Variants in MON2 observed in about 807,000 individuals in gnomAD.
MON2 encodes MON2 regulator of endosome-to-Golgi trafficking, also known as protein MON2 homolog.
In MON2, 84 loss-of-function variants were observed where a neutral mutation model predicts 208.6. The observed-to-expected ratio is 0.40, with a 90% confidence interval of 0.34 to 0.48. The LOEUF (loss-of-function observed/expected upper bound fraction) is 0.48. Among genes scored for constraint, MON2 ranks in the 20% least tolerant of loss-of-function variants. MON2 has a pLI of 0.59. For missense variants in MON2, 1,611 were observed against 2,015.4 expected (o/e 0.80, Z 3.84); for synonymous variants, 660 against 694.0 (o/e 0.95, Z 0.77).
intron 34 of MON2, 32 bp downstream of exon 34, chr12:62,588,188 G>A (rs762559493): frequency 2.1e-5 from 29 of 1,404,504 alleles, no homozygotes; most frequent in South Asian, 8.5e-5. Context: ...TTCTAAATTC[G>A]TAACATTTAT....
At position 62,553,024 on chromosome 12, in the gene MON2, C is replaced by T; in HGVS notation, c.3060C>T (p.Cys1020=). 6.2e-7 allele frequency: 1 copy of T among 1,614,086 alleles called. No homozygotes were observed. Residue 1020 remains cysteine, a synonymous_variant, in exon 24 of 35, where the codon TGC becomes TGT. Transcript: ENST00000393630. ...TCCACCCTGCACCGCCATTTGATTG[C>T]TTGTGGTTATGTCTTTATGCAAAAT... is the stretch of plus-strand genomic sequence containing the variant. The part of the protein sequence containing the change: ...RPFHPAPPFD[C]LWLCLYAKLG...
At chr12:62,549,040 T>C (rs2073625886) in intron 22 of MON2, among the ~76,000 whole-genome samples, 1 of 152,162 alleles carries the variant, frequency 6.6e-6, no homozygotes, top group South Asian at 2.1e-4. Context: ...TGTAGCAAAC[T>C]TGCCATTCTC....
Position 62,566,038 on chromosome 12 carries a change from T to C in MON2, c.4194+7T>C. ...GATCCAACTATTTGCACCGGTGAGTTAAATTTCCTAAAATTGTCCTAACCT... is the reference window on the plus strand; with the variant it reads ...GATCCAACTATTTGCACCGGTGAGTCAAATTTCCTAAAATTGTCCTAACCT... On this transcript the variant is annotated splice_region_variant and intron_variant, in intron 28 of 34. Coordinates refer to ENST00000393630, the MANE Select transcript of MON2 (RefSeq NM_015026.3). 6.2e-7 allele frequency: 1 copy of C among 1,609,830 alleles called. No individual in the cohort carries two copies. Among genetic ancestry groups the C allele is most frequent in the Non-Finnish European group, 8.5e-7 (1 of 1,177,166 alleles).
rs1029410067 is a variant in MON2 at position 62,597,781 on chromosome 12, G to C, written c.*5032G>C. The C allele has an allele frequency of 1.3e-5, 2 of 152,144 alleles. No individual in the cohort carries two copies. Among genetic ancestry groups the C allele is most frequent in the Non-Finnish European group, 1.5e-5 (1 of 68,038 alleles). 9.4% of individuals were successfully genotyped at this position (152,144 alleles called of 1,614,324 possible). ...TTTAAATGAGGGTTTTGGCTGGCGT[G>C]GTGGCCCACACCTGTAATCCCAGCA... On this transcript the variant is annotated 3_prime_UTR_variant, in exon 35 of 35. Transcript: ENST00000393630.
chr12:62,510,284 C>T (rs1189414869), intron 8 of MON2, among the ~76,000 whole-genome samples: 2 of 151,968 alleles, frequency 1.3e-5, no homozygotes, highest in African/African-American at 4.8e-5. Context: ...CTTCCAAGCT[C>T]ATTTTATGAG....
At chr12:62,578,536 G>T in intron 31 of MON2, 31 bp downstream of exon 31, 2 of 1,365,028 alleles carry the variant, frequency 1.5e-6, no homozygotes, top group South Asian at 2.7e-5. Context: ...GTTTTCCTGT[G>T]ACCATTTTTG....
chr12:62,539,022 G>T (rs1453120527), intron 19 of MON2, among the ~76,000 whole-genome samples: 1 of 151,888 alleles, frequency 6.6e-6, no homozygotes, highest in Non-Finnish European at 1.5e-5. Flanking sequence ...TAACATTCAA[G>T]AACATTTCTT....
At position 62,525,997 on chromosome 12, in the gene MON2, T is replaced by C; in HGVS notation, c.1295T>C (p.Met432Thr). 1.2e-6 allele frequency: 2 copies of C among 1,613,828 alleles called. No homozygotes were observed. The highest frequency in any genetic ancestry group is 1.7e-6 in the Non-Finnish European group (2 of 1,179,814). Residue 432 changes from methionine to threonine, a missense_variant, in exon 11 of 35, where the codon ATG becomes ACG. By Grantham distance (81) the Met-to-Thr change is moderately conservative. Coordinates refer to ENST00000393630, the MANE Select transcript of MON2 (RefSeq NM_015026.3). ...GSVSAPANSG[M>T]VGIGGGVTLL... ...GTCTCAGCACCAGCTAACTCAGGAA[T>C]GGTGGGGATTGGTGGAGGTGTTACT... is the stretch of plus-strand genomic sequence containing the variant.
intron 22 of MON2, among the ~76,000 whole-genome samples, chr12:62,549,288 A>G (rs575166296): frequency 7.9e-5 from 12 of 152,188 alleles, no homozygotes; most frequent in Admixed American, 2.6e-4. Flanking sequence ...TTTACTTCAA[A>G]TTATTGTAAG....
chr12:62,571,411 G>C lies in MON2; in HGVS notation c.4343G>C (p.Ser1448Thr). 1 of 1,608,244 alleles carries C rather than the reference G, an allele frequency of 6.2e-7. No homozygotes were observed. The highest frequency in any genetic ancestry group is 8.5e-7 in the Non-Finnish European group (1 of 1,176,214). The stretch of plus-strand genomic sequence containing the variant: ...TTTCAGACTCTTAGGGTTCCTCTCA[G>C]TTTGAAGTATTCCTGCCCTTCTGAA... ...NIIKTLRVPL[S>T]LKYSCPSEST... Residue 1448 changes from serine (S) to threonine (T), a missense_variant, in exon 30 of 35, where the codon AGT becomes ACT. Transcript: ENST00000393630.
intron 20 of MON2, among the ~76,000 whole-genome samples, chr12:62,544,439 CTG>C (rs772404658): frequency 7.9e-5 from 12 of 151,978 alleles, no homozygotes; most frequent in Non-Finnish European, 1.2e-4. Flanking sequence ...AAGTGAGAGA[CTG>C]TGTCTCAAAA....
At chr12:62,510,557 C>T (rs1287219579) in intron 8 of MON2, among the ~76,000 whole-genome samples, 1 of 152,090 alleles carries the variant, frequency 6.6e-6, no homozygotes, top group Non-Finnish European at 1.5e-5. Context: ...TCAATTGATG[C>T]AGAAAAAGTA....
intron 25 of MON2, among the ~76,000 whole-genome samples, chr12:62,557,943 TATATA>T (rs2074038041): frequency 2.4e-4 from 9 of 38,176 alleles, no homozygotes; most frequent in East Asian, 7.3e-4. Flanking sequence ...TATATATATA[TATATA>T]TATATATATA....
At chr12:62,505,579 T>G (rs977654196) in intron 7 of MON2, among the ~76,000 whole-genome samples, 4 of 152,060 alleles carry the variant, frequency 2.6e-5, no homozygotes, top group Non-Finnish European at 5.9e-5. Context: ...ATCAGTTATA[T>G]CAGGTGGTTC....
intron 8 of MON2, among the ~76,000 whole-genome samples, chr12:62,515,366 T>A (rs1304469856): frequency 1.3e-5 from 2 of 152,082 alleles, no homozygotes. Context: ...AATAAGTGAG[T>A]CAAGAGGACA....
At chr12:62,475,546 T>A (rs934934994) in intron 1 of MON2, among the ~76,000 whole-genome samples, 13 of 151,948 alleles carry the variant, frequency 8.6e-5, no homozygotes, top group African/African-American at 3.1e-4. Flanking sequence ...CTTTGCACTA[T>A]AGTGAATTTA....
At chr12:62,504,399 C>G (rs1160783582) in intron 7 of MON2, among the ~76,000 whole-genome samples, 3 of 151,818 alleles carry the variant, frequency 2.0e-5, no homozygotes, top group Non-Finnish European at 4.4e-5. Flanking sequence ...TGCCCGCCAC[C>G]ACGCCCGGCT....
rs1565968148 is a variant in MON2 at position 62,492,496 on chromosome 12, C to T, written c.176-1419C>T. The stretch of plus-strand genomic sequence containing the variant: ...ACGCCATTCTCCTGCCTCAGCCTCC[C>T]GAGTAGCTGGGACTACAGGCGCCCG... On this transcript the variant is annotated intron_variant, in intron 2 of 34. Transcript: ENST00000393630. Among the ~76,000 whole-genome samples, 5 of 149,338 alleles carry T rather than the reference C, an allele frequency of 3.3e-5. 1 individual carries two copies. In the Middle Eastern group the frequency reaches 0.014, roughly 418 times the overall value.
At chr12:62,525,768 A>G (rs559836831) in intron 10 of MON2, among the ~76,000 whole-genome samples, 181 bp from the exon 11 acceptor site, 1 of 152,336 alleles carries the variant, frequency 6.6e-6, no homozygotes, top group East Asian at 1.9e-4. Flanking sequence ...ATGGTATTTT[A>G]GGGAAATAGG....
Sources: gnomAD v4.1 joint callset for allele counts (sites outside exome capture counted in the v4.1 genomes callset) on GRCh38, gnomAD v4.1.1 for gene constraint, MANE v1.5 for transcripts, NCBI Gene and HGNC (gene_info 2026-07-23, HGNC 2026-07-21) for gene names.